LHX8: variants seen among roughly 807,000 people sequenced by gnomAD.
LHX8 encodes the protein LIM homeobox 8.
LHX8 carries 12 observed loss-of-function variants against 40.3 expected under a neutral mutation model. The observed-to-expected ratio is 0.30, with a 90% confidence interval of 0.19 to 0.48. The LOEUF (loss-of-function observed/expected upper bound fraction) is 0.48. Among genes scored for constraint, LHX8 ranks in the 20% least tolerant of loss-of-function variants. The probability of loss-of-function intolerance (pLI) is 0.99; values close to 1 mark genes in which losing one functional copy is unlikely to be tolerated. For synonymous variants in LHX8, 179 were observed against 162.0 expected, an observed-to-expected ratio of 1.10 and a Z score of -0.80; for missense variants, 344 against 433.7, an observed-to-expected ratio of 0.79 and a Z score of 1.84.
upstream of LHX8, among the ~76,000 whole-genome samples, chr1:75,133,501 G>A (rs1244473076): frequency 5.9e-5 from 9 of 152,144 alleles, no homozygotes; most frequent in East Asian, 1.7e-3. Context: ...TCTGTTAAAG[G>A]CCTTTAAGAA....
At chr1:75,186,048 A>G in the LHX8 span, among the ~76,000 whole-genome samples, 1 of 152,242 alleles carries the variant, frequency 6.6e-6, no homozygotes. Flanking sequence ...ATCAGAGATG[A>G]CACAAATGGA....
chr1:75,134,637 T>C lies in LHX8; in HGVS notation c.-330T>C, dbSNP rs906484423. On this transcript the variant is annotated 5_prime_UTR_variant, in exon 1 of 9. Transcript: ENST00000356261. Reference sequence around the variant, plus strand: ...GCAGTGCCATGTATTGGAAGAACGATCAGATGTTTGTGTGTAAACTAGTAG... The same window carrying C: ...GCAGTGCCATGTATTGGAAGAACGACCAGATGTTTGTGTGTAAACTAGTAG... 1.3e-5 allele frequency among the ~76,000 whole-genome samples: 2 copies of C among 151,900 alleles called. No homozygotes were observed. The highest frequency in any genetic ancestry group is 4.8e-5 in the African/African-American group (2 of 41,360).
chr1:75,147,034 C>G (rs982860197), intron 6 of LHX8, among the ~76,000 whole-genome samples: 35 of 152,246 alleles, frequency 2.3e-4, no homozygotes, highest in Admixed American at 1.9e-3. Context: ...ACATGTTCAA[C>G]TGCATAGAAA....
chr1:75,165,817 C>T (rs1286709121), downstream of LHX8, among the ~76,000 whole-genome samples: 1 of 152,166 alleles, frequency 6.6e-6, no homozygotes, highest in Non-Finnish European at 1.5e-5. Context: ...TTCTACCCTT[C>T]CTTTAGCAAA....
chr1:75,156,579 A>T (rs550142978), intron 7 of LHX8, among the ~76,000 whole-genome samples: 1 of 152,262 alleles, frequency 6.6e-6, no homozygotes, highest in East Asian at 1.9e-4. Context: ...TCAAGGGGTA[A>T]CCTTAACGTT....
At chr1:75,155,608 A>G (rs1240770888) in intron 7 of LHX8, among the ~76,000 whole-genome samples, 1 of 152,098 alleles carries the variant, frequency 6.6e-6, no homozygotes, top group African/African-American at 2.4e-5. Flanking sequence ...TAGCTACTGG[A>G]AGCATTCTGG....
chr1:75,146,990 A>T (rs1648475869), intron 6 of LHX8, among the ~76,000 whole-genome samples: 1 of 152,194 alleles, frequency 6.6e-6, no homozygotes, highest in Admixed American at 6.5e-5. Context: ...TTAAAAAACA[A>T]AGACATAATT....
downstream of LHX8, among the ~76,000 whole-genome samples, chr1:75,165,440 G>A (rs1204008211): frequency 6.6e-6 from 1 of 152,168 alleles, no homozygotes; most frequent in Admixed American, 6.6e-5. Context: ...TAGAGGATGT[G>A]AAAACCACTG....
the LHX8 span, among the ~76,000 whole-genome samples, chr1:75,177,416 A>T: frequency 1.4e-3 from 211 of 152,110 alleles, 5 homozygotes; most frequent in South Asian, 0.018. Flanking sequence ...ATTCCTAGGT[A>T]TTTTATTCTC....
At chr1:75,197,583 G>A in the LHX8 span, among the ~76,000 whole-genome samples, 2 of 151,820 alleles carry the variant, frequency 1.3e-5, no homozygotes, top group Non-Finnish European at 2.9e-5. Flanking sequence ...TCTCTATTGC[G>A]GTCACCAAAA....
chr1:75,177,577 G>T, the LHX8 span, among the ~76,000 whole-genome samples: 2 of 152,294 alleles, frequency 1.3e-5, no homozygotes, highest in South Asian at 4.1e-4. Context: ...ATTTTGGGCT[G>T]AGACGATGGG....
intron 7 of LHX8, among the ~76,000 whole-genome samples, chr1:75,150,256 T>C (rs1168175957): frequency 6.6e-6 from 1 of 152,158 alleles, no homozygotes; most frequent in Non-Finnish European, 1.5e-5. Flanking sequence ...CAGTGACTTA[T>C]AAATTTCAAG....
At chr1:75,156,047 C>T (rs1648755115) in intron 7 of LHX8, among the ~76,000 whole-genome samples, 1 of 141,788 alleles carries the variant, frequency 7.1e-6, no homozygotes, top group African/African-American at 2.6e-5. Flanking sequence ...TTCTGCTTTT[C>T]CTTTTGTCCT....
intron 8 of LHX8, among the ~76,000 whole-genome samples, chr1:75,157,925 C>T (rs753397044): frequency 3.3e-5 from 5 of 152,162 alleles, no homozygotes; most frequent in Admixed American, 1.3e-4. Flanking sequence ...AGATATGTAC[C>T]TGGGAGTGGG....
intron 8 of LHX8, among the ~76,000 whole-genome samples, chr1:75,157,283 G>A (rs1183973060): frequency 6.6e-6 from 1 of 152,148 alleles, no homozygotes; most frequent in Non-Finnish European, 1.5e-5. Flanking sequence ...TACTCACTTT[G>A]CAGCTAAGAT....
At chr1:75,192,749 G>C in the LHX8 span, among the ~76,000 whole-genome samples, 3 of 152,166 alleles carry the variant, frequency 2.0e-5, no homozygotes, top group African/African-American at 7.2e-5. Flanking sequence ...CTGGAGTGCA[G>C]TGGTGTGATC....
At chr1:75,186,128 A>G in the LHX8 span, among the ~76,000 whole-genome samples, 1 of 152,236 alleles carries the variant, frequency 6.6e-6, no homozygotes, top group Non-Finnish European at 1.5e-5. Context: ...AAAGCAATTT[A>G]TAGATCCAAT....
chr1:75,192,471 T>G, the LHX8 span, among the ~76,000 whole-genome samples: 7 of 152,168 alleles, frequency 4.6e-5, no homozygotes, highest in Non-Finnish European at 1.0e-4. Context: ...ACCCTGAGTT[T>G]GCAGTCAGGT....
the LHX8 span, among the ~76,000 whole-genome samples, chr1:75,176,492 A>G: frequency 9.9e-5 from 15 of 152,184 alleles, no homozygotes; most frequent in East Asian, 1.5e-3. Context: ...GTCTGTTCAT[A>G]TCCTTTGCCC....
Sources: gnomAD v4.1 joint callset for allele counts (sites outside exome capture counted in the v4.1 genomes callset) on GRCh38, gnomAD v4.1.1 for gene constraint, MANE v1.5 for transcripts, NCBI Gene and HGNC (gene_info 2026-07-23, HGNC 2026-07-21) for gene names.